BLTP3B: variants seen among roughly 807,000 people sequenced by gnomAD.
BLTP3B encodes UHRF1 (ICBP90) binding protein 1-like.
the BLTP3B span, among the ~76,000 whole-genome samples, chr12:100,097,021 A>C: frequency 6.6e-6 from 1 of 152,176 alleles, no homozygotes; most frequent in African/African-American, 2.4e-5. Flanking sequence ...TCAAGGTTTC[A>C]GTGAGCCTTG....
chr12:100,102,884 A>G, the BLTP3B span: 2 of 1,329,546 alleles, frequency 1.5e-6, no homozygotes, highest in Non-Finnish European at 2.1e-6. Flanking sequence ...AATATAAACA[A>G]TTAGATTATT....
At chr12:100,058,116 G>A in the BLTP3B span, 2 of 1,612,906 alleles carry the variant, frequency 1.2e-6, no homozygotes, top group Non-Finnish European at 1.7e-6. Flanking sequence ...AGCTGCTTCT[G>A]GAAGCAAATC....
At chr12:100,065,153 T>A in the BLTP3B span, among the ~76,000 whole-genome samples, 4 of 152,174 alleles carry the variant, frequency 2.6e-5, no homozygotes, top group East Asian at 7.7e-4. Context: ...ATTCTTATAA[T>A]TTTTTATGCC....
chr12:100,084,478 G>A, the BLTP3B span: 1 of 1,612,052 alleles, frequency 6.2e-7, no homozygotes, highest in Non-Finnish European at 8.5e-7. Flanking sequence ...TAAAATACCT[G>A]TTTGTGTGTG....
chr12:100,082,047 C>G, the BLTP3B span, among the ~76,000 whole-genome samples: 1 of 152,118 alleles, frequency 6.6e-6, no homozygotes, highest in Non-Finnish European at 1.5e-5. Flanking sequence ...TAAGCATTCC[C>G]TTTTCTCCAC....
the BLTP3B span, among the ~76,000 whole-genome samples, chr12:100,052,790 G>GTTTTTTTTTTTTTTTTT: frequency 8.7e-6 from 1 of 114,340 alleles, no homozygotes; most frequent in African/African-American, 3.3e-5. Context: ...TTTCTTTTCT[G>GTTTTTTTTTTTTTTTTT]TTTTTTTTTT....
chr12:100,085,566 T>C, the BLTP3B span, among the ~76,000 whole-genome samples: 38 of 152,224 alleles, frequency 2.5e-4, no homozygotes, highest in African/African-American at 5.3e-4. Context: ...GGTACCAACA[T>C]AGAAATGACA....
chr12:100,122,494 C>T, the BLTP3B span, among the ~76,000 whole-genome samples: 8 of 152,166 alleles, frequency 5.3e-5, no homozygotes, highest in African/African-American at 1.9e-4. Flanking sequence ...ATTTACTGAG[C>T]ATTTACTAGG....
the BLTP3B span, among the ~76,000 whole-genome samples, chr12:100,114,898 G>A: frequency 5.0e-4 from 76 of 152,204 alleles, no homozygotes; most frequent in African/African-American, 1.8e-3. Context: ...TGTCACTCCA[G>A]GTGTACCTCT....
chr12:100,125,018 G>A, the BLTP3B span, among the ~76,000 whole-genome samples: 1 of 115,340 alleles, frequency 8.7e-6, no homozygotes, highest in Admixed American at 1.0e-4. Flanking sequence ...ATATATATAT[G>A]GGTAGACCTT....
the BLTP3B span, among the ~76,000 whole-genome samples, chr12:100,087,432 C>T: frequency 5.0e-4 from 76 of 152,234 alleles, no homozygotes; most frequent in Non-Finnish European, 9.7e-4. Context: ...CAATCCCTTA[C>T]GTAAAACCTT....
At chr12:100,050,417 T>C in the BLTP3B span, 4 of 1,135,406 alleles carry the variant, frequency 3.5e-6, no homozygotes, top group Admixed American at 6.8e-5. Context: ...AAAAATACAA[T>C]TGTGACCTAC....
At chr12:100,108,648 GACACA>G in the BLTP3B span, 1 of 967,142 alleles carries the variant, frequency 1.0e-6, no homozygotes, top group Non-Finnish European at 1.5e-6. Flanking sequence ...AATAGGAGTG[GACACA>G]ACATAATGTC....
At chr12:100,084,775 A>C in the BLTP3B span, 2 of 1,057,360 alleles carry the variant, frequency 1.9e-6, no homozygotes, top group South Asian at 3.6e-5. Flanking sequence ...GATATCTGAA[A>C]AATTTACAGG....
At chr12:100,072,646 C>A in the BLTP3B span, 3 of 1,453,678 alleles carry the variant, frequency 2.1e-6, no homozygotes, top group Non-Finnish European at 2.7e-6. Flanking sequence ...AAATAATGGA[C>A]AAATAATAAT....
At chr12:100,065,270 G>A in the BLTP3B span, among the ~76,000 whole-genome samples, 4 of 151,606 alleles carry the variant, frequency 2.6e-5, no homozygotes, top group Admixed American at 1.3e-4. Context: ...ATTGAAAAAC[G>A]TGTGTTTGAA....
the BLTP3B span, among the ~76,000 whole-genome samples, chr12:100,069,639 T>C: frequency 6.6e-6 from 1 of 152,072 alleles, no homozygotes; most frequent in East Asian, 1.9e-4. Flanking sequence ...TTCTTCCTCA[T>C]AACTGGGAGC....
chr12:100,044,322 A>G, the BLTP3B span, among the ~76,000 whole-genome samples: 49 of 152,236 alleles, frequency 3.2e-4, no homozygotes, highest in African/African-American at 1.1e-3. Flanking sequence ...AACTGTTCCT[A>G]TATCTGAAAT....
At chr12:100,096,966 G>C in the BLTP3B span, among the ~76,000 whole-genome samples, 1 of 152,156 alleles carries the variant, frequency 6.6e-6, no homozygotes. Flanking sequence ...TATTGTCCCA[G>C]CTACTTGAGA....
Sources: allele counts gnomAD v4.1 joint callset (sites outside exome capture counted in the v4.1 genomes callset), GRCh38; gene constraint gnomAD v4.1.1; transcripts MANE v1.5; gene names NCBI Gene and HGNC (gene_info 2026-07-23, HGNC 2026-07-21).